The following MAGI2 variants were observed in gnomAD, a reference collection of about 807,000 sequenced individuals.
MAGI2 encodes the protein membrane associated guanylate kinase, WW and PDZ domain containing 2.
A neutral mutation model predicts 133.3 loss-of-function variants in MAGI2; 35 were observed. That is an observed-to-expected ratio of 0.26 (90% CI 0.20 to 0.35). The LOEUF (loss-of-function observed/expected upper bound fraction) is 0.35, where lower values mean the gene tolerates loss of function less well. Ranked by LOEUF, MAGI2 falls within the 10% of genes least tolerant of loss-of-function variation. The pLI, the probability that MAGI2 is intolerant of heterozygous loss-of-function variation, is 1.00. For missense variants in MAGI2, 1,636 were observed against 1,863.4 expected, an observed-to-expected ratio of 0.88 and a Z score of 2.25; for synonymous variants, 729 against 710.6, an observed-to-expected ratio of 1.03 and a Z score of -0.41.
intron 20 of MAGI2, among the ~76,000 whole-genome samples, chr7:78,119,947 T>C (rs1400785073): frequency 6.6e-6 from 1 of 152,204 alleles, no homozygotes; most frequent in Non-Finnish European, 1.5e-5. Context: ...TGCAGGTATG[T>C]TATGGAAAAA....
intron 6 of MAGI2, among the ~76,000 whole-genome samples, chr7:78,377,795 C>T (rs1201274339): frequency 6.7e-6 from 1 of 149,090 alleles, no homozygotes; most frequent in Non-Finnish European, 1.5e-5. Context: ...AAACTGTTAT[C>T]GCTGGTCTAG....
intron 3 of MAGI2, among the ~76,000 whole-genome samples, chr7:78,524,211 G>T (rs1341978706): frequency 6.6e-6 from 1 of 152,092 alleles, no homozygotes; most frequent in East Asian, 1.9e-4. Context: ...TTATCTCAGG[G>T]GCCTCCCCGG....
intron 2 of MAGI2, among the ~76,000 whole-genome samples, chr7:78,924,607 T>C (rs948979732): frequency 3.3e-5 from 5 of 152,096 alleles, no homozygotes; most frequent in African/African-American, 9.7e-5. Context: ...CAGTATTTTA[T>C]TGGGGATTTT....
chr7:79,246,358 A>T (rs997256084), intron 1 of MAGI2, among the ~76,000 whole-genome samples: 4 of 152,234 alleles, frequency 2.6e-5, no homozygotes, highest in African/African-American at 9.6e-5. Context: ...TCTCAGAGAC[A>T]GATTTCAAAA....
intron 2 of MAGI2, among the ~76,000 whole-genome samples, chr7:78,956,326 C>T (rs1486049955): frequency 3.9e-5 from 6 of 152,116 alleles, no homozygotes; most frequent in Non-Finnish European, 8.8e-5. Context: ...CCTAGCAATT[C>T]TGTCTCTGAA....
chr7:78,482,843 T>C (rs1039353044), intron 6 of MAGI2, among the ~76,000 whole-genome samples: 1 of 151,386 alleles, frequency 6.6e-6, no homozygotes, highest in East Asian at 2.0e-4. Context: ...GTCATACTTA[T>C]GTATAACTAC....
intron 1 of MAGI2, among the ~76,000 whole-genome samples, chr7:79,027,823 A>T (rs9692231): frequency 0.59 from 89,665 of 151,862 alleles, 26,779 homozygotes; most frequent in East Asian, 0.63. Context: ...AGAATAATTT[A>T]AAAAAAATCA....
intron 10 of MAGI2, among the ~76,000 whole-genome samples, chr7:78,218,731 G>T (rs1788510764): frequency 6.6e-6 from 1 of 152,214 alleles, no homozygotes; most frequent in Admixed American, 6.5e-5. Context: ...CCCACCTAGG[G>T]ACTCTGTGGG....
intron 2 of MAGI2, among the ~76,000 whole-genome samples, chr7:78,869,600 G>T (rs508142): frequency 0.59 from 89,985 of 151,970 alleles, 27,576 homozygotes; most frequent in East Asian, 0.73. Flanking sequence ...TCAGGAAATT[G>T]ACAATCATGG....
chr7:78,263,029 T>A (rs1157222933), intron 9 of MAGI2, among the ~76,000 whole-genome samples: 1 of 152,256 alleles, frequency 6.6e-6, no homozygotes, highest in East Asian at 1.9e-4. Flanking sequence ...CATCTTTATG[T>A]CCATGAATAT....
chr7:78,465,577 G>C (rs1012010323), intron 6 of MAGI2, among the ~76,000 whole-genome samples: 2 of 152,174 alleles, frequency 1.3e-5, no homozygotes, highest in African/African-American at 4.8e-5. Context: ...ATACCTTTAA[G>C]TTATTTTGCC....
intron 3 of MAGI2, chr7:78,567,799 C>G (rs1563180370): frequency 6.6e-6 from 1 of 152,252 alleles, no homozygotes; most frequent in Non-Finnish European, 1.5e-5. Flanking sequence ...CATCTCCCAA[C>G]AAATACCCAA....
chr7:78,282,452 T>A (rs1795709648), intron 9 of MAGI2, among the ~76,000 whole-genome samples: 1 of 152,146 alleles, frequency 6.6e-6, no homozygotes, highest in East Asian at 1.9e-4. Flanking sequence ...TGCCTGTGAA[T>A]GGTTTTGTGC....
At chr7:79,365,555 T>C (rs1048041551) in intron 1 of MAGI2, among the ~76,000 whole-genome samples, 1 of 152,024 alleles carries the variant, frequency 6.6e-6, no homozygotes, top group African/African-American at 2.4e-5. Flanking sequence ...TAACAAGCTA[T>C]TTTTTTAAAG....
chr7:78,999,314 TC>T (rs2116436392), intron 2 of MAGI2, among the ~76,000 whole-genome samples: 1 of 152,152 alleles, frequency 6.6e-6, no homozygotes, highest in South Asian at 2.1e-4. Context: ...TTTTTTTTTT[TC>T]GGTGCCAAAT....
intron 3 of MAGI2, among the ~76,000 whole-genome samples, chr7:78,550,568 T>C (rs968335039): frequency 6.6e-6 from 1 of 152,220 alleles, no homozygotes; most frequent in Non-Finnish European, 1.5e-5. Flanking sequence ...TACCTGGACC[T>C]TGGAATACTG....
intron 3 of MAGI2, among the ~76,000 whole-genome samples, chr7:78,556,237 G>A (rs757582354): frequency 2.0e-5 from 3 of 152,238 alleles, no homozygotes; most frequent in Admixed American, 6.5e-5. Flanking sequence ...TGACTTACAG[G>A]GGTCAACTTA....
chr7:79,262,940 G>C (rs980895385), intron 1 of MAGI2, among the ~76,000 whole-genome samples: 9 of 152,098 alleles, frequency 5.9e-5, no homozygotes, highest in African/African-American at 1.4e-4. Context: ...TGGTTACCAA[G>C]TCATAAATTT....
chr7:78,860,292 G>A (rs530483414), intron 2 of MAGI2, among the ~76,000 whole-genome samples: 1 of 152,170 alleles, frequency 6.6e-6, no homozygotes, highest in Admixed American at 6.5e-5. Context: ...TGCTGAGGAG[G>A]AGCTGCATTC....
Sources: gnomAD v4.1 joint callset for allele counts (sites outside exome capture counted in the v4.1 genomes callset) on GRCh38, gnomAD v4.1.1 for gene constraint, MANE v1.5 for transcripts, NCBI Gene and HGNC (gene_info 2026-07-23, HGNC 2026-07-21) for gene names.